The following THOC2 variants were observed in gnomAD, a reference collection of about 807,000 sequenced individuals.
THOC2 encodes the protein THO complex 2.
A neutral mutation model predicts 128.4 loss-of-function variants in THOC2; 10 were observed. The ratio of observed to expected loss-of-function variants is 0.08; its 90% CI spans 0.05 to 0.13. THOC2 has a LOEUF of 0.13. Ranked by LOEUF, THOC2 falls within the 10% of genes least tolerant of loss-of-function variation. The probability of loss-of-function intolerance (pLI) is 1.00; values close to 1 mark genes in which losing one functional copy is unlikely to be tolerated. For missense variants in THOC2, 535 were observed against 1,155.7 expected (o/e 0.46, Z 7.79); for synonymous variants, 393 against 396.9 (o/e 0.99, Z 0.12).
chrX:123,728,284 G>GA (rs946548001), intron 1 of THOC2, among the ~76,000 whole-genome samples: 1 of 110,000 alleles, frequency 9.1e-6, no homozygotes, highest in African/African-American at 3.3e-5. Flanking sequence ...CTTACAGTAG[G>GA]AAAAAAGCAC....
intron 3 of THOC2, among the ~76,000 whole-genome samples, chrX:123,703,865 T>C (rs1357913623): frequency 1.3e-5 from 1 of 75,064 alleles, no homozygotes; most frequent in Non-Finnish European, 2.3e-5. Flanking sequence ...CACTCCACCC[T>C]GGGCAACAGA....
chrX:123,608,144 T>C (rs2046550676), intron 38 of THOC2, among the ~76,000 whole-genome samples: 1 of 111,258 alleles, frequency 9.0e-6, no homozygotes. Flanking sequence ...CTCACGTCTG[T>C]AATGCCAGCA....
chrX:123,619,140 G>T (rs1376011564), intron 33 of THOC2, among the ~76,000 whole-genome samples: 7 of 111,931 alleles, frequency 6.3e-5, no homozygotes, highest in Non-Finnish European at 1.3e-4. Context: ...AAAGGAGAAG[G>T]TATAACACAG....
chrX:123,631,447 T>C (rs2047481345), intron 22 of THOC2, among the ~76,000 whole-genome samples: 1 of 111,999 alleles, frequency 8.9e-6, no homozygotes, highest in African/African-American at 3.2e-5. Flanking sequence ...ACTGTAGCAG[T>C]TGATATGTAA....
intron 1 of THOC2, among the ~76,000 whole-genome samples, chrX:123,716,388 T>G (rs2051415887): frequency 9.0e-6 from 1 of 110,505 alleles, no homozygotes; most frequent in Non-Finnish European, 1.9e-5. Flanking sequence ...GAGACCAGCC[T>G]GGCCAACATG....
At chrX:123,730,256 G>C (rs185405889) in intron 1 of THOC2, among the ~76,000 whole-genome samples, 2 of 107,468 alleles carry the variant, frequency 1.9e-5, no homozygotes, top group Admixed American at 1.0e-4. Context: ...TCCGCTCACC[G>C]CAACTTCCGC....
intron 7 of THOC2, among the ~76,000 whole-genome samples, chrX:123,688,488 T>G (rs1321312944): frequency 9.0e-6 from 1 of 111,342 alleles, no homozygotes; most frequent in Non-Finnish European, 1.9e-5. Flanking sequence ...CTCAGCATTT[T>G]GGAAGGTCAA....
At position 123,647,472 on chromosome X, in the gene THOC2, A is replaced by G. The variant is rs916053542; in HGVS notation, c.1387-2097T>C. ...ATTCATTCATTCATTCATTCATTCA[A>G]TGACTAGATTCCAGGCATTGGGAAT... On this transcript the variant is annotated intron_variant, in intron 12 of 38. Transcript: ENST00000245838. 1.8e-4 allele frequency among the ~76,000 whole-genome samples: 20 copies of G among 110,155 alleles called. 1 individual carries two copies. In the Admixed American group the frequency reaches 1.9e-3, roughly 11 times the overall value.
At chrX:123,618,154 T>C (rs1426900034) in intron 33 of THOC2, among the ~76,000 whole-genome samples, 2 of 111,758 alleles carry the variant, frequency 1.8e-5, no homozygotes, top group African/African-American at 3.2e-5. Flanking sequence ...CAAAAATACG[T>C]TGGACGTTTA....
Position 123,697,472 on chromosome X carries a change from G to C in THOC2, c.345+209C>G, listed in dbSNP as rs956374. Among the ~76,000 whole-genome samples the C allele has an allele frequency of 7.9e-3, 887 of 112,002 alleles. 6 individuals carry two copies. Among genetic ancestry groups the C allele is most frequent in the African/African-American group, 0.027 (825 of 30,906 alleles). On this transcript the variant is annotated intron_variant, in intron 5 of 38. Transcript: ENST00000245838. ...TATCACCAAAGGTTTTAAATGTATA[G>C]ATAGTTTAAGTGATATGGATATGGT...
chrX:123,679,152 A>G (rs1030027188), intron 8 of THOC2, among the ~76,000 whole-genome samples: 2 of 111,013 alleles, frequency 1.8e-5, no homozygotes, highest in Non-Finnish European at 3.8e-5. Context: ...CTTGCCATCT[A>G]CCATCCCATT....
At chrX:123,658,811 T>C (rs765269327) in intron 12 of THOC2, among the ~76,000 whole-genome samples, 1 of 111,645 alleles carries the variant, frequency 9.0e-6, no homozygotes, top group South Asian at 3.8e-4. Flanking sequence ...ATGTAAACTA[T>C]GGACTTTGGG....
At chrX:123,635,327 A>G (rs1330742544) in intron 19 of THOC2, among the ~76,000 whole-genome samples, 1 of 112,059 alleles carries the variant, frequency 8.9e-6, no homozygotes, top group African/African-American at 3.2e-5. Flanking sequence ...GGATGTGCCC[A>G]TAAAATCATA....
intron 8 of THOC2, among the ~76,000 whole-genome samples, chrX:123,682,897 T>C (rs1414422477): frequency 9.0e-6 from 1 of 111,130 alleles, no homozygotes; most frequent in Non-Finnish European, 1.9e-5. Flanking sequence ...AAGGGCAATA[T>C]GGATGAGACC....
At chrX:123,661,859 G>A (rs763739738) in intron 12 of THOC2, among the ~76,000 whole-genome samples, 10 of 111,647 alleles carry the variant, frequency 9.0e-5, no homozygotes, top group Admixed American at 3.8e-4. Context: ...CAGGCATGGC[G>A]CATGCACCTG....
chrX:123,731,786 A>C (rs1208148864), intron 1 of THOC2, among the ~76,000 whole-genome samples: 1 of 111,293 alleles, frequency 9.0e-6, no homozygotes, highest in African/African-American at 3.3e-5. Flanking sequence ...TGGCACTATT[A>C]CAAGCGCGGG....
chrX:123,711,958 TAAAAAAAAAAA>T lies in THOC2; in HGVS notation c.130+881_130+891del, dbSNP rs55916247. Among the ~76,000 whole-genome samples the T allele has an allele frequency of 2.8e-3, 131 of 46,840 alleles. 1 individual carries two copies. The highest frequency in any genetic ancestry group is 0.023 in the Middle Eastern group (1 of 44). 40.7% of individuals were successfully genotyped at this position (46,840 alleles called of 115,157 possible). On this transcript the variant is annotated intron_variant, in intron 2 of 38. Transcript: ENST00000245838. ...CAATGGAAAGAGACCCTGTCTACTT[TAAAAAAAAAAA>T]AAAAAAAAAAAAAGTATATCCTCTA...
intron 12 of THOC2, 106 bp downstream of exon 12, chrX:123,665,536 T>G: frequency 1.8e-6 from 1 of 541,984 alleles, no homozygotes; most frequent in Non-Finnish European, 2.8e-6. Flanking sequence ...ACATAACCCT[T>G]TATTAAATGA....
chrX:123,644,402 A>G (rs1222020002), intron 15 of THOC2, among the ~76,000 whole-genome samples, 173 bp downstream of exon 15: 1 of 112,322 alleles, frequency 8.9e-6, no homozygotes, highest in Non-Finnish European at 1.9e-5. Context: ...CTTGGTAGTC[A>G]AAATGAGCTA....
Sources: gnomAD v4.1 joint callset for allele counts (sites outside exome capture counted in the v4.1 genomes callset) on GRCh38, gnomAD v4.1.1 for gene constraint, MANE v1.5 for transcripts, NCBI Gene and HGNC (gene_info 2026-07-23, HGNC 2026-07-21) for gene names.